The following NETO1 variants were observed in gnomAD, a reference collection of about 807,000 sequenced individuals.
The protein encoded by NETO1 is neuropilin and tolloid-like protein 1.
NETO1 carries 26 observed loss-of-function variants against 61.3 expected under a neutral mutation model. That is an observed-to-expected ratio of 0.42 (90% CI 0.31 to 0.59). The LOEUF is 0.59. NETO1 is among the 20% of genes least tolerant of loss of function. NETO1 has a pLI of 0.12. For missense variants in NETO1, 531 were observed against 662.8 expected (o/e 0.80, Z 2.18); for synonymous variants, 225 against 225.8 (o/e 1.00, Z 0.03).
chr18:72,853,746 G>A (rs1484407246), intron 4 of NETO1, among the ~76,000 whole-genome samples: 2 of 69,806 alleles, frequency 2.9e-5, no homozygotes, highest in Non-Finnish European at 5.6e-5. Context: ...AACAGAGTGA[G>A]ATGTCAAAAA....
At chr18:72,785,381 T>C (rs1410624541) in intron 6 of NETO1, among the ~76,000 whole-genome samples, 1 of 152,186 alleles carries the variant, frequency 6.6e-6, no homozygotes, top group Non-Finnish European at 1.5e-5. Context: ...CTAGTTGTTT[T>C]CCATGTCCAT....
At position 72,859,054 on chromosome 18, in the gene NETO1, C is replaced by T. The variant is rs778717490; in HGVS notation, c.241G>A (p.Glu81Lys). Residue 81 changes from glutamate (E) to lysine (K), a missense_variant, in exon 4 of 11, where the codon GAA (glutamate) becomes AAA (lysine). Transcript: ENST00000327305. ...IIEAAPRQCI[E>K]LYFDEKYSIE... ...GAGTACTTTTCATCAAAGTAAAGTT[C>T]AATGCACTGTCTTGGAGCGGCTGTA... is the stretch of plus-strand genomic sequence containing the variant. The T allele has an allele frequency of 1.9e-6, 3 of 1,612,874 alleles. No individual in the cohort carries two copies. The highest frequency in any genetic ancestry group is 2.2e-5 in the East Asian group (1 of 44,822).
intron 6 of NETO1, among the ~76,000 whole-genome samples, chr18:72,788,826 T>C (rs560465518): frequency 2.6e-5 from 4 of 152,238 alleles, no homozygotes; most frequent in South Asian, 2.1e-4. Flanking sequence ...CTAAGTAATA[T>C]ATTCACAAAC....
chr18:72,834,408 T>C (rs1273161689), intron 4 of NETO1: 1 of 962,794 alleles, frequency 1.0e-6, no homozygotes, highest in East Asian at 1.1e-4. Context: ...GAAGGGAGTA[T>C]AAGAAAATTT....
chr18:72,818,062 T>C (rs2145266012), intron 4 of NETO1, among the ~76,000 whole-genome samples: 1 of 152,284 alleles, frequency 6.6e-6, no homozygotes, highest in East Asian at 1.9e-4. Context: ...TTTTTTTTCT[T>C]TTGGTGTTAA....
intron 4 of NETO1, among the ~76,000 whole-genome samples, chr18:72,827,289 G>A (rs1213070670): frequency 1.3e-5 from 2 of 152,198 alleles, no homozygotes; most frequent in African/African-American, 2.4e-5. Flanking sequence ...AATCTGAGAA[G>A]CAAAACACAC....
rs939880754 is a variant in NETO1, at chr18:72,745,454, G to A, written c.*2725C>T. 6.6e-6 allele frequency: 1 copy of A among 152,100 alleles called. No homozygotes were observed. Among genetic ancestry groups the A allele is most frequent in the Non-Finnish European group, 1.5e-5 (1 of 68,012 alleles). 9.4% of individuals were successfully genotyped at this position (152,100 alleles called of 1,614,324 possible). On this transcript the variant is annotated 3_prime_UTR_variant, in exon 11 of 11. Coordinates refer to ENST00000327305, the MANE Select transcript of NETO1 (RefSeq NM_138966.5). ...TAGCTTTATGAAATTAACACAGCAG[G>A]CTAACTTAATGCATTATTTGAAATC...
At chr18:72,792,211 C>G (rs2072143673) in intron 6 of NETO1, among the ~76,000 whole-genome samples, 1 of 152,056 alleles carries the variant, frequency 6.6e-6, no homozygotes, top group African/African-American at 2.4e-5. Flanking sequence ...GTGGGCAGAT[C>G]ACCTGAGATC....
chr18:72,827,412 G>T (rs2073415157), intron 4 of NETO1, among the ~76,000 whole-genome samples: 2 of 152,160 alleles, frequency 1.3e-5, no homozygotes, highest in African/African-American at 2.4e-5. Flanking sequence ...CCCCTCCATA[G>T]GGTTGTAGCC....
At chr18:72,799,687 C>T (rs1054060050) in intron 4 of NETO1, among the ~76,000 whole-genome samples, 1 of 152,250 alleles carries the variant, frequency 6.6e-6, no homozygotes, top group Non-Finnish European at 1.5e-5. Context: ...CCTTAACTCA[C>T]ATCTGCTTGC....
intron 4 of NETO1, among the ~76,000 whole-genome samples, chr18:72,811,652 A>G (rs1457798092): frequency 6.6e-6 from 1 of 152,132 alleles, no homozygotes; most frequent in African/African-American, 2.4e-5. Context: ...AAAATAAAGT[A>G]AAACGAGCCG....
chr18:72,797,393 T>C (rs1005264081), intron 4 of NETO1, among the ~76,000 whole-genome samples: 1 of 152,208 alleles, frequency 6.6e-6, no homozygotes, highest in Admixed American at 6.5e-5. Flanking sequence ...TTTTTGTAAT[T>C]CCATTTGTAT....
At chr18:72,826,614 T>C (rs2073381823) in intron 4 of NETO1, among the ~76,000 whole-genome samples, 1 of 152,172 alleles carries the variant, frequency 6.6e-6, no homozygotes, top group African/African-American at 2.4e-5. Context: ...TCTCTGATGG[T>C]TTGGAAACTA....
At chr18:72,797,726 G>A (rs1441519670) in intron 4 of NETO1, among the ~76,000 whole-genome samples, 1 of 152,032 alleles carries the variant, frequency 6.6e-6, no homozygotes, top group African/African-American at 2.4e-5. Context: ...GCATCTTAAC[G>A]CCCTGTGAGT....
chr18:72,767,185 C>T (rs964902261), intron 7 of NETO1, among the ~76,000 whole-genome samples: 1 of 152,150 alleles, frequency 6.6e-6, no homozygotes, highest in South Asian at 2.1e-4. Context: ...TCACCATGAC[C>T]TCAAGCTTAA....
chr18:72,851,683 C>T (rs565861446), intron 4 of NETO1, among the ~76,000 whole-genome samples: 1 of 152,038 alleles, frequency 6.6e-6, no homozygotes, highest in Non-Finnish European at 1.5e-5. Context: ...TTGGACATTG[C>T]GAGTGGAAAA....
intron 7 of NETO1, among the ~76,000 whole-genome samples, chr18:72,757,421 T>G (rs1051869934): frequency 6.6e-6 from 1 of 151,970 alleles, no homozygotes; most frequent in African/African-American, 2.4e-5. Context: ...ACTCAAATTC[T>G]GAAAACCAAA....
intron 4 of NETO1, among the ~76,000 whole-genome samples, chr18:72,810,798 C>T (rs188716727): frequency 6.6e-6 from 1 of 152,232 alleles, no homozygotes; most frequent in East Asian, 1.9e-4. Flanking sequence ...GAGGCTTTCC[C>T]AGAGTAATGG....
In NETO1 at chr18:72,858,700, A is replaced by T. The variant is rs1002896974; in HGVS notation, c.469+126T>A. 7.2e-6 allele frequency: 7 copies of T among 970,848 alleles called. No individual in the cohort carries two copies. In the African/African-American group the frequency reaches 9.9e-5, roughly 14 times the overall value. The allele number at this position is 970,848 out of a possible 1,614,324, so 60.1% of individuals were successfully genotyped here. On this transcript the variant is annotated intron_variant, in intron 4 of 10. Coordinates refer to ENST00000327305, the MANE Select transcript of NETO1 (RefSeq NM_138966.5). ...GTAGGGAAAAGAAAAAGCACTGTAG[A>T]TTTGGTTTTAAATAGAACTGGAACA...
Sources: gnomAD v4.1 joint callset for allele counts (sites outside exome capture counted in the v4.1 genomes callset) on GRCh38, gnomAD v4.1.1 for gene constraint, MANE v1.5 for transcripts, NCBI Gene and HGNC (gene_info 2026-07-23, HGNC 2026-07-21) for gene names.